Variants in C4orf50 observed in about 807,000 individuals in gnomAD.
C4orf50 encodes chromosome 4 open reading frame 50.
In C4orf50, 80 loss-of-function variants were observed where a neutral mutation model predicts 77.2. That is an observed-to-expected ratio of 1.04 (90% confidence interval 0.87 to 1.25). The LOEUF (loss-of-function observed/expected upper bound fraction) is 1.25, where lower values mean the gene tolerates loss of function less well. Among genes scored for constraint, C4orf50 ranks in the 50% most tolerant of loss-of-function variants. The pLI is 0.00. For synonymous variants in C4orf50, 532 were observed against 465.3 expected, an observed-to-expected ratio of 1.14 and a Z score of -1.84; for missense variants, 1,257 against 1,152.9, an observed-to-expected ratio of 1.09 and a Z score of -1.31.
downstream of C4orf50, among the ~76,000 whole-genome samples, chr4:5,956,506 G>T (rs1430049246): frequency 6.6e-6 from 1 of 152,188 alleles, no homozygotes; most frequent in Non-Finnish European, 1.5e-5. Context: ...GCTCGGAGAA[G>T]CATCTGCTGA....
At chr4:5,947,213 C>T (rs1019266625) in intron 7 of C4orf50, among the ~76,000 whole-genome samples, 2 of 152,196 alleles carry the variant, frequency 1.3e-5, no homozygotes, top group South Asian at 4.2e-4. Flanking sequence ...GGAAGCTGAG[C>T]TGTGTGACCT....
At chr4:6,002,358 C>T (rs556181386) in intron 25 of C4orf50, among the ~76,000 whole-genome samples, 7 of 152,298 alleles carry the variant, frequency 4.6e-5, no homozygotes, top group South Asian at 2.1e-4. Context: ...CCTTGATTTC[C>T]GACTTCTGGC....
In C4orf50 at chr4:6,009,648, C is replaced by T. The variant is rs77114299; in HGVS notation, c.427-1116G>A. ...ACCGCAGGTCACTACAGAAACGAGGCATCTTCATATGCAAATGCTTACTGG... is the reference window on the plus strand; with the variant it reads ...ACCGCAGGTCACTACAGAAACGAGGTATCTTCATATGCAAATGCTTACTGG... On this transcript the variant is annotated intron_variant, in intron 24 of 33. Transcript: ENST00000531445. The surrounding 1 kb of genome is among the most constrained non-coding windows in gnomAD (Gnocchi z 5.6). Among the ~76,000 whole-genome samples the T allele has an allele frequency of 2.3e-3, 351 of 152,298 alleles. No individual in the cohort carries two copies. The highest frequency in any genetic ancestry group is 8.2e-3 in the African/African-American group (340 of 41,552).
chr4:5,933,148 C>T (rs757399517), intron 7 of C4orf50, among the ~76,000 whole-genome samples: 4 of 152,136 alleles, frequency 2.6e-5, no homozygotes, highest in Non-Finnish European at 5.9e-5. Flanking sequence ...TCTTTTCTTC[C>T]ATGTCATATC....
chr4:5,937,058 G>T (rs1207592812), intron 7 of C4orf50, among the ~76,000 whole-genome samples: 1 of 151,706 alleles, frequency 6.6e-6, no homozygotes, highest in Non-Finnish European at 1.5e-5. Context: ...CTCAGGCAAA[G>T]ACTGAGAGGT....
chr4:5,956,380 G>A (rs1372413579), downstream of C4orf50, among the ~76,000 whole-genome samples: 2 of 152,180 alleles, frequency 1.3e-5, no homozygotes, highest in Non-Finnish European at 2.9e-5. Flanking sequence ...CCCACTCCAC[G>A]GCCCCTGGGC....
At chr4:5,953,058 G>A (rs919766144), downstream of C4orf50, among the ~76,000 whole-genome samples, 1 of 152,216 alleles carries the variant, frequency 6.6e-6, no homozygotes, top group Non-Finnish European at 1.5e-5. Flanking sequence ...CATGGGGTGT[G>A]CTAGGTCTGC....
At chr4:5,976,325 G>A (rs1323695404) in intron 29 of C4orf50, among the ~76,000 whole-genome samples, 2 of 151,950 alleles carry the variant, frequency 1.3e-5, no homozygotes, top group Admixed American at 1.3e-4. Flanking sequence ...GTGTGGTGGT[G>A]GGCACCTGTA....
chr4:5,907,671 G>A (rs947606134), intron 7 of C4orf50, among the ~76,000 whole-genome samples: 2 of 152,172 alleles, frequency 1.3e-5, no homozygotes, highest in African/African-American at 4.8e-5. Flanking sequence ...TGGGGGCTGG[G>A]GGAAGAGGTG....
downstream of C4orf50, among the ~76,000 whole-genome samples, chr4:5,955,958 C>T (rs996397734): frequency 3.3e-5 from 5 of 152,294 alleles, no homozygotes; most frequent in East Asian, 1.9e-4. This position sits in a 1 kb window ranked among gnomAD's most constrained non-coding sequence, Gnocchi z 5.1. Context: ...TCAAAGAGGG[C>T]GAGGAGTGGA....
intron 7 of C4orf50, among the ~76,000 whole-genome samples, chr4:5,945,045 C>T (rs1030239558): frequency 6.6e-6 from 1 of 152,100 alleles, no homozygotes. Flanking sequence ...CCACGCCTGT[C>T]CCCACATTTC....
chr4:5,998,005 C>A (rs981326593), intron 25 of C4orf50, among the ~76,000 whole-genome samples: 48 of 152,222 alleles, frequency 3.2e-4, no homozygotes, highest in African/African-American at 1.2e-3. Context: ...ATAAACATGA[C>A]TGTACATGAC....
intron 7 of C4orf50, among the ~76,000 whole-genome samples, chr4:5,920,668 G>C (rs1207359764): frequency 1.6e-5 from 2 of 128,360 alleles, no homozygotes; most frequent in African/African-American, 2.5e-5. Flanking sequence ...ATAGAGATGG[G>C]CTTTCACCAT....
chr4:5,973,899 G>T, intron 30 of C4orf50, 58 bp from the exon 9 acceptor site: 2 of 1,401,648 alleles, frequency 1.4e-6, no homozygotes, highest in Non-Finnish European at 1.9e-6. Context: ...TGGCTGAGCT[G>T]GAGGGCTGGG....
chr4:5,986,681 G>A (rs534954715), intron 28 of C4orf50, among the ~76,000 whole-genome samples: 117 of 151,984 alleles, frequency 7.7e-4, no homozygotes, highest in African/African-American at 2.7e-3. Context: ...TGGGACTACA[G>A]GTGCATGCCA....
intron 7 of C4orf50, among the ~76,000 whole-genome samples, chr4:5,942,267 G>A (rs1398460148): frequency 2.0e-5 from 3 of 152,194 alleles, no homozygotes; most frequent in Non-Finnish European, 4.4e-5. Context: ...GGTTTGCTTA[G>A]AGCTAAGATC....
At position 5,970,719 on chromosome 4, in the gene C4orf50, T is replaced by G. The variant is rs1019900991; in HGVS notation, c.4104+2940A>C. 6.6e-6 allele frequency among the ~76,000 whole-genome samples: 1 copy of G among 152,190 alleles called. No individual in the cohort carries two copies. Among genetic ancestry groups the G allele is most frequent in the Non-Finnish European group, 1.5e-5 (1 of 68,024 alleles). On this transcript the variant is annotated intron_variant, in intron 31 of 33. Transcript: ENST00000531445. The surrounding 1 kb of genome is among the most constrained non-coding windows in gnomAD (Gnocchi z 4.3). ...GGGAGGGGAGGTGGTCACCGACTGC[T>G]GCTTGCATGGGCACCAGGCCACGCC... is the stretch of plus-strand genomic sequence containing the variant.
At chr4:5,987,659 C>G (rs4330300) in intron 28 of C4orf50, among the ~76,000 whole-genome samples, 82,536 of 151,144 alleles carry the variant, frequency 0.55, 23,494 homozygotes, top group East Asian at 0.91. Context: ...GACACAGAGA[C>G]AGGAAAGGAG....
intron 25 of C4orf50, among the ~76,000 whole-genome samples, chr4:6,004,036 ATGATGG>A (rs1316595268): frequency 8.7e-3 from 410 of 47,378 alleles, no homozygotes; most frequent in Middle Eastern, 0.017. Flanking sequence ...TGTGATAGTG[ATGATGG>A]TGATGGTGAT....
Sources: gnomAD v4.1 joint callset for allele counts (sites outside exome capture counted in the v4.1 genomes callset) on GRCh38, gnomAD v4.1.1 for gene constraint, Gnocchi (gnomAD v3.1) non-coding constraint, MANE v1.5 for transcripts, NCBI Gene and HGNC (gene_info 2026-07-23, HGNC 2026-07-21) for gene names.